ESR2: variants seen among roughly 807,000 people sequenced by gnomAD.
ESR2 encodes estrogen receptor beta.
A neutral mutation model predicts 49.6 loss-of-function variants in ESR2; 36 were observed. The observed-to-expected ratio is 0.73, with a 90% CI of 0.56 to 0.96. The LOEUF (loss-of-function observed/expected upper bound fraction) is 0.96, where lower values mean the gene tolerates loss of function less well. Ranked by LOEUF, ESR2 falls within the 40% of genes least tolerant of loss-of-function variation. The probability of loss-of-function intolerance (pLI) is 0.00; values close to 1 mark genes in which losing one functional copy is unlikely to be tolerated. For synonymous variants in ESR2, 320 were observed against 266.1 expected (o/e 1.20, Z -1.97); for missense variants, 714 against 693.0 (o/e 1.03, Z -0.34).
chr14:64,318,994 T>C (rs574748247), intron 1 of ESR2, among the ~76,000 whole-genome samples: 1 of 151,960 alleles, frequency 6.6e-6, no homozygotes, highest in Non-Finnish European at 1.5e-5. Context: ...TGAGCTGTGA[T>C]TGCATCACTG....
intron 6 of ESR2, among the ~76,000 whole-genome samples, chr14:64,256,747 A>G (rs998871333): frequency 6.6e-6 from 1 of 150,734 alleles, no homozygotes; most frequent in Admixed American, 6.6e-5. Context: ...AACAAAAAAC[A>G]AAACAAAACA....
At chr14:64,329,345 T>C (rs1409152338) in intron 1 of ESR2, 1 of 152,232 alleles carries the variant, frequency 6.6e-6, no homozygotes, top group African/African-American at 2.4e-5. Context: ...ACCTTCAACA[T>C]TAGTGATCAA....
intron 7 of ESR2, among the ~76,000 whole-genome samples, chr14:64,249,287 CT>C (rs771008063): frequency 9.3e-4 from 140 of 151,336 alleles, no homozygotes; most frequent in African/African-American, 2.9e-3. Flanking sequence ...TTTAAAGTTC[CT>C]TTTTTTTTCT....
chr14:64,246,734 CAAAAAAAAAAAAAAAA>C (rs71123836), intron 7 of ESR2, among the ~76,000 whole-genome samples: 41 of 36,460 alleles, frequency 1.1e-3, no homozygotes, highest in Admixed American at 5.0e-3. Flanking sequence ...AAGACTCTGT[CAAAAAAAAAAAAAAAA>C]AAAAAAAAAA....
At chr14:64,264,407 C>A (rs1291424832) in intron 4 of ESR2, among the ~76,000 whole-genome samples, 2 of 152,052 alleles carry the variant, frequency 1.3e-5, no homozygotes, top group Non-Finnish European at 1.5e-5. Context: ...AGTAATCAAG[C>A]AGAATGCTAA....
At chr14:64,282,370 T>C (rs570622067) in intron 2 of ESR2, among the ~76,000 whole-genome samples, 5 of 152,264 alleles carry the variant, frequency 3.3e-5, no homozygotes, top group African/African-American at 1.2e-4. Context: ...GTGACTTAAG[T>C]TCAGTATTTA....
chr14:64,285,225 G>A (rs1411592474), intron 1 of ESR2, among the ~76,000 whole-genome samples: 3 of 152,116 alleles, frequency 2.0e-5, no homozygotes, highest in Non-Finnish European at 2.9e-5. Context: ...TTCTCCTCCA[G>A]ATCCATAGAG....
chr14:64,227,861 C>G, downstream of ESR2: 21 of 1,594,240 alleles, frequency 1.3e-5, no homozygotes, highest in Non-Finnish European at 1.8e-5. Context: ...TGCCCACATG[C>G]AAGGGACATT....
intron 3 of ESR2, among the ~76,000 whole-genome samples, 186 bp from the exon 4 acceptor site, chr14:64,269,097 G>A (rs972170693): frequency 3.3e-5 from 5 of 152,136 alleles, no homozygotes; most frequent in African/African-American, 1.2e-4. Flanking sequence ...GGAGACCTAG[G>A]AACATTTCAA....
At chr14:64,333,565 A>T (rs1413631130) in intron 1 of ESR2, among the ~76,000 whole-genome samples, 1 of 152,214 alleles carries the variant, frequency 6.6e-6, no homozygotes. Flanking sequence ...AGTTTAATGG[A>T]CTCACAGTTC....
chr14:64,328,559 G>A (rs1368240692), intron 1 of ESR2, among the ~76,000 whole-genome samples: 1 of 152,178 alleles, frequency 6.6e-6, no homozygotes, highest in Non-Finnish European at 1.5e-5. Flanking sequence ...ATATTATAAG[G>A]ATTAGGACAT....
chr14:64,251,430 CTCACACACA>C (rs1406923170), intron 6 of ESR2, among the ~76,000 whole-genome samples: 2 of 138,700 alleles, frequency 1.4e-5, no homozygotes, highest in East Asian at 9.2e-4. Flanking sequence ...CACACACACA[CTCACACACA>C]CCCCTCCCCA....
At chr14:64,327,550 G>T (rs1490642531) in intron 1 of ESR2, among the ~76,000 whole-genome samples, 1 of 151,814 alleles carries the variant, frequency 6.6e-6, no homozygotes, top group Admixed American at 6.6e-5. Flanking sequence ...ACAAAAATTA[G>T]CCGGGTGTGG....
At chr14:64,336,000 T>C (rs2077526932) in intron 1 of ESR2, 1 of 150,834 alleles carries the variant, frequency 6.6e-6, no homozygotes, top group South Asian at 2.1e-4. Flanking sequence ...TGTGTGTGTG[T>C]GTGTGTGTGT....
downstream of ESR2, chr14:64,227,551 T>C: frequency 6.2e-7 from 1 of 1,614,234 alleles, no homozygotes; most frequent in African/African-American, 1.3e-5. Flanking sequence ...CCATCGTTGC[T>C]TCAGGCAAAA....
intron 5 of ESR2, 28 bp from the exon 6 acceptor site, chr14:64,257,392 C>T (rs767462603): frequency 1.9e-6 from 3 of 1,611,408 alleles, no homozygotes; most frequent in South Asian, 2.2e-5. Context: ...CGGTGAGACA[C>T]CCCCACCCCT....
chr14:64,305,474 T>C (rs1408635372), intron 1 of ESR2, among the ~76,000 whole-genome samples: 1 of 148,496 alleles, frequency 6.7e-6, no homozygotes, highest in Admixed American at 6.7e-5. Context: ...ATCGAGACCA[T>C]CCTGGCTAAC....
At chr14:64,286,840 A>G (rs1485936402) in intron 1 of ESR2, among the ~76,000 whole-genome samples, 11 of 151,860 alleles carry the variant, frequency 7.2e-5, no homozygotes, top group Non-Finnish European at 4.4e-5. Flanking sequence ...CCTCAGCCTC[A>G]CAATTAGCTG....
At chr14:64,249,038 TCTC>T (rs1036500384) in intron 7 of ESR2, among the ~76,000 whole-genome samples, 3 of 152,316 alleles carry the variant, frequency 2.0e-5, no homozygotes, top group African/African-American at 4.8e-5. Context: ...CTCCAGCATC[TCTC>T]CTCCTATTTT....
Sources: gnomAD v4.1 joint callset for allele counts (sites outside exome capture counted in the v4.1 genomes callset) on GRCh38, gnomAD v4.1.1 for gene constraint, MANE v1.5 for transcripts, NCBI Gene and HGNC (gene_info 2026-07-23, HGNC 2026-07-21) for gene names.